Variants in UBE2E1 observed in about 807,000 individuals in gnomAD.
UBE2E1 encodes the protein ubiquitin conjugating enzyme E2 E1.
UBE2E1 carries 6 observed loss-of-function variants against 21.4 expected under a neutral mutation model. The ratio of observed to expected loss-of-function variants is 0.28; its 90% CI spans 0.15 to 0.55. UBE2E1 has a LOEUF of 0.55. Ranked by LOEUF, UBE2E1 falls within the 20% of genes least tolerant of loss-of-function variation. The pLI is 0.93. For synonymous variants in UBE2E1, 87 were observed against 82.7 expected, an observed-to-expected ratio of 1.05 and a Z score of -0.28; for missense variants, 142 against 236.5, an observed-to-expected ratio of 0.60 and a Z score of 2.62.
At chr3:23,834,454 C>T (rs1276135155) in intron 3 of UBE2E1, among the ~76,000 whole-genome samples, 1 of 152,214 alleles carries the variant, frequency 6.6e-6, no homozygotes, top group Non-Finnish European at 1.5e-5. Flanking sequence ...TGTAGCATGT[C>T]CCATTACTCT....
At chr3:23,817,243 C>G (rs1966895) in intron 3 of UBE2E1, among the ~76,000 whole-genome samples, 98,950 of 151,804 alleles carry the variant, frequency 0.65, 32,608 homozygotes, top group Non-Finnish European at 0.69. Context: ...AGCAGTTTGA[C>G]ACCAGACTGG....
chr3:23,850,837 CTTTTTTTTT>C (rs71057628), intron 3 of UBE2E1, among the ~76,000 whole-genome samples: 18,602 of 128,568 alleles, frequency 0.14, 1,760 homozygotes, highest in African/African-American at 0.26. Flanking sequence ...CCACACCCAG[CTTTTTTTTT>C]TTTTTTTTTT....
chr3:23,887,874 A>G lies in UBE2E1; in HGVS notation c.336+175A>G, dbSNP rs542356146. On this transcript the variant is annotated intron_variant, in intron 4 of 5. Transcript: ENST00000306627. This position sits in a 1 kb window ranked among gnomAD's most constrained non-coding sequence, Gnocchi z 4.4. ...TTAGGTTGATTTTGCCTTATCTGGCAGAGACCATTCTAGGATTAAGTGCTT... is the reference window on the plus strand; with the variant it reads ...TTAGGTTGATTTTGCCTTATCTGGCGGAGACCATTCTAGGATTAAGTGCTT... 1 of 831,928 alleles carries G rather than the reference A, an allele frequency of 1.2e-6. No individual in the cohort carries two copies. The highest frequency in any genetic ancestry group is 2.0e-5 in the South Asian group (1 of 51,028). 51.5% of individuals were successfully genotyped at this position (831,928 alleles called of 1,614,324 possible).
At position 23,890,634 on chromosome 3, in the gene UBE2E1, T is replaced by A. The variant is rs763529436; in HGVS notation, c.*28T>A. On this transcript the variant is annotated 3_prime_UTR_variant, in exon 6 of 6. Coordinates refer to ENST00000306627, the MANE Select transcript of UBE2E1 (RefSeq NM_003341.5). ...TGGGGTTTCACAATTCTTACATTAT[T>A]TGTCTGTCACAGAAGAGAGCTGCTT... 5 of 1,607,484 alleles carry A rather than the reference T, an allele frequency of 3.1e-6. No individual in the cohort carries two copies. Among genetic ancestry groups the A allele is most frequent in the Non-Finnish European group, 4.3e-6 (5 of 1,175,818 alleles).
At position 23,870,412 on chromosome 3, in the gene UBE2E1, G is replaced by A. The variant is rs1283357527; in HGVS notation, c.204-17155G>A. 2.0e-5 allele frequency among the ~76,000 whole-genome samples: 3 copies of A among 152,170 alleles called. No individual in the cohort carries two copies. The highest frequency in any genetic ancestry group is 7.2e-5 in the African/African-American group (3 of 41,426). ...GAGCAGTTTCAAACAATCTGTGGACGGTGTTGTAAAACTGCCACAGGGAGT... is the reference window on the plus strand; with the variant it reads ...GAGCAGTTTCAAACAATCTGTGGACAGTGTTGTAAAACTGCCACAGGGAGT... On this transcript the variant is annotated intron_variant, in intron 3 of 5. Transcript: ENST00000306627. This position sits in a 1 kb window ranked among gnomAD's most constrained non-coding sequence, Gnocchi z 4.2.
Position 23,874,334 on chromosome 3 carries a change from C to T in UBE2E1, c.204-13233C>T, listed in dbSNP as rs568312548. Among the ~76,000 whole-genome samples the T allele has an allele frequency of 7.9e-5, 12 of 152,258 alleles. No homozygotes were observed. The South Asian group carries it at 2.1e-3, about 26-fold the overall frequency. ...GTGGAGGGTAGAGGTGTTAACAATACGTTCTCCCCTCAAAAAGTCTGAACA... is the reference window on the plus strand; with the variant it reads ...GTGGAGGGTAGAGGTGTTAACAATATGTTCTCCCCTCAAAAAGTCTGAACA... On this transcript the variant is annotated intron_variant, in intron 3 of 5. Transcript: ENST00000306627.
At chr3:23,889,915 C>T (rs1433158477) in intron 5 of UBE2E1, 4 of 160,252 alleles carry the variant, frequency 2.5e-5, no homozygotes, top group Non-Finnish European at 5.3e-5. Flanking sequence ...TATATATACA[C>T]ATATGTATAT....
At chr3:23,882,634 GA>G (rs1701076539) in intron 3 of UBE2E1, among the ~76,000 whole-genome samples, 1 of 150,750 alleles carries the variant, frequency 6.6e-6, no homozygotes, top group Non-Finnish European at 1.5e-5. Flanking sequence ...TGCAGGGGTG[GA>G]GGGGAGGCTC....
intron 3 of UBE2E1, among the ~76,000 whole-genome samples, chr3:23,820,972 T>C (rs6767406): frequency 0.46 from 69,356 of 152,008 alleles, 15,903 homozygotes; most frequent in Non-Finnish European, 0.48. Flanking sequence ...GAGAAAAGTT[T>C]TAGATGTGAT....
intron 3 of UBE2E1, among the ~76,000 whole-genome samples, chr3:23,865,092 G>A (rs1212538636): frequency 6.6e-6 from 1 of 152,186 alleles, no homozygotes; most frequent in Non-Finnish European, 1.5e-5. Flanking sequence ...TGTGGGTCAG[G>A]AATCCAGGCA....
At chr3:23,888,270 T>C (rs1469731986) in intron 4 of UBE2E1, 2 of 457,176 alleles carry the variant, frequency 4.4e-6, no homozygotes, top group Non-Finnish European at 4.4e-6. Flanking sequence ...AGGTGAGGAT[T>C]GCCCAAGTCA....
At chr3:23,834,324 C>T (rs1298254455) in intron 3 of UBE2E1, among the ~76,000 whole-genome samples, 1 of 152,136 alleles carries the variant, frequency 6.6e-6, no homozygotes, top group East Asian at 1.9e-4. Flanking sequence ...AGCTAATAAC[C>T]CCCATCAAAT....
chr3:23,833,690 G>A (rs1486748816), intron 3 of UBE2E1, among the ~76,000 whole-genome samples: 2 of 152,244 alleles, frequency 1.3e-5, no homozygotes, highest in Non-Finnish European at 2.9e-5. Context: ...GTGAAGAAAT[G>A]AGGTTTATTT....
intron 3 of UBE2E1, among the ~76,000 whole-genome samples, chr3:23,874,200 TC>T (rs1378330980): frequency 6.6e-6 from 1 of 152,202 alleles, no homozygotes; most frequent in African/African-American, 2.4e-5. Flanking sequence ...TGTGCCAGAA[TC>T]TTTTCTTAGA....
At chr3:23,829,791 T>C (rs1461855614) in intron 3 of UBE2E1, among the ~76,000 whole-genome samples, 1 of 152,216 alleles carries the variant, frequency 6.6e-6, no homozygotes, top group Non-Finnish European at 1.5e-5. Context: ...TTTCTATAAA[T>C]AAGAGATGTC....
chr3:23,815,819 G>A (rs544184492), intron 3 of UBE2E1, among the ~76,000 whole-genome samples: 2 of 152,310 alleles, frequency 1.3e-5, no homozygotes, highest in Admixed American at 1.3e-4. Context: ...TTTATCTGAT[G>A]TTACTAAATG....
intron 3 of UBE2E1, among the ~76,000 whole-genome samples, chr3:23,824,897 C>G (rs957806982): frequency 6.6e-6 from 1 of 152,078 alleles, no homozygotes; most frequent in Admixed American, 6.5e-5. Flanking sequence ...AGCCGGAAAA[C>G]AGTTTGTGAC....
intron 3 of UBE2E1, among the ~76,000 whole-genome samples, chr3:23,833,580 C>T (rs1386188670): frequency 6.6e-6 from 1 of 152,076 alleles, no homozygotes; most frequent in East Asian, 1.9e-4. Context: ...AACAAGATGT[C>T]GGAAAGCAAT....
In UBE2E1 at chr3:23,853,554, A is replaced by G. The variant is rs966647082; in HGVS notation, c.204-34013A>G. ...TTTTCTTCTGTTGTTTTTTTTTAAT[A>G]TAAGTTTTATGGTTTTAGCTGTTAA... is the stretch of plus-strand genomic sequence containing the variant. On this transcript the variant is annotated intron_variant, in intron 3 of 5. Coordinates refer to ENST00000306627, the MANE Select transcript of UBE2E1 (RefSeq NM_003341.5). The surrounding 1 kb of genome is among the most constrained non-coding windows in gnomAD (Gnocchi z 4.1). Among the ~76,000 whole-genome samples the G allele has an allele frequency of 6.6e-6, 1 of 151,954 alleles. No homozygotes were observed.
Sources: allele counts gnomAD v4.1 joint callset (sites outside exome capture counted in the v4.1 genomes callset), GRCh38; gene constraint gnomAD v4.1.1; non-coding constraint Gnocchi (gnomAD v3.1); transcripts MANE v1.5; gene names NCBI Gene and HGNC (gene_info 2026-07-23, HGNC 2026-07-21).